Variants in RFC3 observed in about 807,000 individuals in gnomAD.
The protein encoded by RFC3 is replication factor C subunit 3, also known as A1 38 kDa subunit.
In RFC3, 41 loss-of-function variants were observed where a neutral mutation model predicts 45.1. The ratio of observed to expected loss-of-function variants is 0.91; its 90% CI spans 0.71 to 1.18. RFC3 has a LOEUF of 1.18. Ranked by LOEUF, RFC3 falls within the 50% of genes most tolerant of loss-of-function variation. RFC3 has a pLI of 0.00. For missense variants in RFC3, 423 were observed against 428.1 expected, an observed-to-expected ratio of 0.99 and a Z score of 0.10; for synonymous variants, 149 against 144.0, an observed-to-expected ratio of 1.03 and a Z score of -0.25.
chr13:33,968,055 A>T (rs1337312370), downstream of RFC3, among the ~76,000 whole-genome samples: 1 of 152,176 alleles, frequency 6.6e-6, no homozygotes, highest in African/African-American at 2.4e-5. Context: ...GGTTATCTTG[A>T]GTTGATCGTG....
At chr13:33,971,188 C>CT (rs1320544568), downstream of RFC3, among the ~76,000 whole-genome samples, 1 of 152,184 alleles carries the variant, frequency 6.6e-6, no homozygotes, top group African/African-American at 2.4e-5. Context: ...CAGCTGAACT[C>CT]TCTTTTGCGA....
intron 2 of RFC3, 60 bp from the exon 3 acceptor site, chr13:33,823,857 A>G: frequency 1.2e-6 from 1 of 867,810 alleles, no homozygotes; most frequent in Non-Finnish European, 1.8e-6. Context: ...ATGAAAATAC[A>G]AAAGAGTGGG....
chr13:33,890,145 A>G (rs769952564), intron 8 of RFC3, among the ~76,000 whole-genome samples: 4 of 152,170 alleles, frequency 2.6e-5, no homozygotes, highest in Admixed American at 6.5e-5. Flanking sequence ...GTTGAGGTTC[A>G]GTATGTAAAC....
chr13:33,860,759 C>T (rs2082335897), intron 8 of RFC3, among the ~76,000 whole-genome samples: 1 of 152,174 alleles, frequency 6.6e-6, no homozygotes, highest in African/African-American at 2.4e-5. Context: ...GTTACTTTGG[C>T]AACCGCCAAT....
At chr13:33,963,612 A>T (rs2083070726) in intron 8 of RFC3, among the ~76,000 whole-genome samples, 1 of 152,180 alleles carries the variant, frequency 6.6e-6, no homozygotes, top group African/African-American at 2.4e-5. Flanking sequence ...TGCTCTATAG[A>T]GCAGTGTGCA....
chr13:33,827,185 A>AT (rs2082057520), intron 4 of RFC3, among the ~76,000 whole-genome samples: 1 of 152,156 alleles, frequency 6.6e-6, no homozygotes, highest in Non-Finnish European at 1.5e-5. Context: ...GTGCTTTGGG[A>AT]GGCTGAAGCA....
chr13:33,837,207 A>G lies in RFC3; in HGVS notation c.*912A>G, dbSNP rs2082163172. On this transcript the variant is annotated 3_prime_UTR_variant, in exon 9 of 9. Coordinates refer to ENST00000380071, the MANE Select transcript of RFC3 (RefSeq NM_002915.4). ...GCCGTCACCCCAAAAAGTTCCCTCCATATCCCTTTGCAGTCAGTTCATCCC... is the reference window on the plus strand; with the variant it reads ...GCCGTCACCCCAAAAAGTTCCCTCCGTATCCCTTTGCAGTCAGTTCATCCC... 1 of 220,776 alleles carries G rather than the reference A, an allele frequency of 4.5e-6. No individual in the cohort carries two copies. Among genetic ancestry groups the G allele is most frequent in the Admixed American group, 6.5e-5 (1 of 15,328 alleles). 13.7% of individuals were successfully genotyped at this position (220,776 alleles called of 1,614,324 possible).
chr13:33,835,684 A>G (rs1317315382), intron 8 of RFC3, among the ~76,000 whole-genome samples: 1 of 152,184 alleles, frequency 6.6e-6, no homozygotes, highest in Non-Finnish European at 1.5e-5. Flanking sequence ...ATGTTGTGTC[A>G]TGACCATATG....
In RFC3 at chr13:33,938,441, A is replaced by G. The variant is rs560797794; in HGVS notation, c.880-27646A>G. Among the ~76,000 whole-genome samples, 3 of 152,268 alleles carry G rather than the reference A, an allele frequency of 2.0e-5. No homozygotes were observed. In the South Asian group the frequency reaches 6.2e-4, roughly 32 times the overall value. ...ATTTTTCACAAAGTAAAAACCATGA[A>G]GAAGCAACAGATTAAGAAGCATATC... On this transcript the variant is annotated intron_variant, in intron 8 of 8. Coordinates refer to the RFC3 transcript ENST00000434425.
intron 8 of RFC3, among the ~76,000 whole-genome samples, chr13:33,878,515 G>T (rs917666021): frequency 1.3e-5 from 2 of 152,126 alleles, no homozygotes; most frequent in African/African-American, 4.8e-5. Context: ...TGAATGGTTG[G>T]GTCAGGAAAA....
exon 9 of RFC3, chr13:33,966,242 G>A: frequency 1.3e-6 from 1 of 781,894 alleles, no homozygotes; most frequent in South Asian, 1.5e-5. Flanking sequence ...CAGAGCTCAA[G>A]ATTCAGACTC....
At chr13:33,963,597 C>T (rs570024361) in intron 8 of RFC3, among the ~76,000 whole-genome samples, 10 of 152,290 alleles carry the variant, frequency 6.6e-5, no homozygotes, top group East Asian at 1.9e-4. Context: ...TTACAAACCT[C>T]GAGATGCTCT....
At chr13:33,854,045 G>T (rs2082293901) in intron 8 of RFC3, among the ~76,000 whole-genome samples, 1 of 152,190 alleles carries the variant, frequency 6.6e-6, no homozygotes, top group Admixed American at 6.5e-5. Flanking sequence ...ATGAAATTAG[G>T]ATCTTAATGG....
rs762554467 is a variant in RFC3 at position 33,818,207 on chromosome 13, C to T, written c.29C>T (p.Pro10Leu). The change falls in exon 1 of 9, where the codon CCC (proline) becomes CTC (leucine). Residue 10 changes from proline to leucine, a missense_variant. Transcript: ENST00000380071. Reference protein sequence around the residue: MSLWVDKYRPCSLGRLDYHK... With the variant: MSLWVDKYRLCSLGRLDYHK... ...AGCCTCTGGGTGGACAAGTATCGGC[C>T]CTGCTCCTTGGGACGGCTGGACTAT... is the stretch of plus-strand genomic sequence containing the variant. 1.9e-6 allele frequency: 3 copies of T among 1,613,684 alleles called. No individual in the cohort carries two copies. Among genetic ancestry groups the T allele is most frequent in the East Asian group, 4.5e-5 (2 of 44,876 alleles).
intron 8 of RFC3, among the ~76,000 whole-genome samples, chr13:33,913,023 G>A (rs1164110815): frequency 6.6e-6 from 1 of 152,078 alleles, no homozygotes; most frequent in Non-Finnish European, 1.5e-5. Context: ...GGGAGAGGGA[G>A]AGCCTGAGGA....
At chr13:33,926,014 A>C (rs531968331) in intron 8 of RFC3, among the ~76,000 whole-genome samples, 2 of 152,084 alleles carry the variant, frequency 1.3e-5, no homozygotes, top group African/African-American at 4.8e-5. Flanking sequence ...TACACCATGG[A>C]ATACTATGCA....
chr13:33,916,638 G>T (rs533857493), intron 8 of RFC3, among the ~76,000 whole-genome samples: 3 of 152,140 alleles, frequency 2.0e-5, no homozygotes, highest in Non-Finnish European at 4.4e-5. Context: ...CTGCACAAAT[G>T]TATGTACGTA....
intron 8 of RFC3, among the ~76,000 whole-genome samples, chr13:33,863,497 C>T (rs74834370): frequency 6.6e-6 from 1 of 152,202 alleles, no homozygotes; most frequent in African/African-American, 2.4e-5. Flanking sequence ...GGGTCTGTGT[C>T]ATTTAACCAC....
At chr13:33,920,400 T>A (rs1334105622) in intron 8 of RFC3, among the ~76,000 whole-genome samples, 1 of 151,470 alleles carries the variant, frequency 6.6e-6, no homozygotes, top group Non-Finnish European at 1.5e-5. Context: ...TGTGTGAGTT[T>A]TAGAATTTGT....
Sources: gnomAD v4.1 joint callset for allele counts (sites outside exome capture counted in the v4.1 genomes callset) on GRCh38, gnomAD v4.1.1 for gene constraint, MANE v1.5 for transcripts, NCBI Gene and HGNC (gene_info 2026-07-23, HGNC 2026-07-21) for gene names.